The following DLGAP2 variants were observed in gnomAD, a reference collection of about 807,000 sequenced individuals.
The protein encoded by DLGAP2 is disks large-associated protein 2.
DLGAP2 carries 26 observed loss-of-function variants against 100.3 expected under a neutral mutation model. That is an observed-to-expected ratio of 0.26 (90% CI 0.19 to 0.36). The LOEUF (loss-of-function observed/expected upper bound fraction) is 0.36. Ranked by LOEUF, DLGAP2 falls within the 10% of genes least tolerant of loss-of-function variation. DLGAP2 has a pLI of 1.00. For synonymous variants in DLGAP2, 886 were observed against 630.1 expected, an observed-to-expected ratio of 1.41 and a Z score of -6.08; for missense variants, 1,858 against 1,453.2, an observed-to-expected ratio of 1.28 and a Z score of -4.53.
intron 2 of DLGAP2, among the ~76,000 whole-genome samples, chr8:1,105,781 G>T (rs1253159977): frequency 1.7e-4 from 26 of 148,712 alleles, no homozygotes; most frequent in African/African-American, 6.0e-4. Flanking sequence ...TTCTAGGAGG[G>T]TTTTCTACTG....
intron 2 of DLGAP2, among the ~76,000 whole-genome samples, chr8:1,151,602 G>C (rs1796698697): frequency 6.6e-6 from 1 of 152,202 alleles, no homozygotes; most frequent in Admixed American, 6.5e-5. Flanking sequence ...ACCTTCGCAA[G>C]GGGAAATGAG....
At chr8:943,620 G>GTAGTAAATTTT (rs1799246839) in intron 2 of DLGAP2, among the ~76,000 whole-genome samples, 1 of 151,966 alleles carries the variant, frequency 6.6e-6, no homozygotes, top group East Asian at 2.0e-4. Flanking sequence ...GGAGGAGCTG[G>GTAGTAAATTTT]CATGTGGACG....
intron 2 of DLGAP2, among the ~76,000 whole-genome samples, chr8:1,202,859 G>A (rs1199307414): frequency 1.3e-5 from 2 of 152,218 alleles, no homozygotes; most frequent in African/African-American, 2.4e-5. Flanking sequence ...TGTCTTGTCT[G>A]AGCTGTTAAT....
At chr8:1,466,731 A>T (rs1358506060) in intron 3 of DLGAP2, among the ~76,000 whole-genome samples, 2 of 152,082 alleles carry the variant, frequency 1.3e-5, no homozygotes, top group Non-Finnish European at 2.9e-5. Flanking sequence ...GCTCTCAGTG[A>T]GAGGAAGGAA....
chr8:1,080,521 C>T (rs969097633), intron 2 of DLGAP2, among the ~76,000 whole-genome samples: 3 of 152,282 alleles, frequency 2.0e-5, no homozygotes, highest in African/African-American at 4.8e-5. Context: ...ACTCATCAGG[C>T]GGAATAGGGA....
At chr8:1,363,251 C>A (rs565015486) in intron 3 of DLGAP2, among the ~76,000 whole-genome samples, 2 of 152,210 alleles carry the variant, frequency 1.3e-5, no homozygotes, top group Non-Finnish European at 2.9e-5. Context: ...GGCAGCATCC[C>A]GAAAGCGCCC....
chr8:1,003,930 T>G (rs77273715), intron 2 of DLGAP2, among the ~76,000 whole-genome samples: 6,850 of 152,288 alleles, frequency 0.045, 321 homozygotes, highest in Admixed American at 0.14. Context: ...TGTTTTAGCT[T>G]GGTGTCCCCC....
intron 3 of DLGAP2, among the ~76,000 whole-genome samples, chr8:1,366,541 G>A (rs1355107531): frequency 6.6e-6 from 1 of 152,182 alleles, no homozygotes; most frequent in Non-Finnish European, 1.5e-5. Flanking sequence ...CGGCTGACCT[G>A]GGACAAGGCA....
chr8:770,434 CT>C (rs548155447), intron 1 of DLGAP2, among the ~76,000 whole-genome samples: 3 of 152,222 alleles, frequency 2.0e-5, no homozygotes, highest in Middle Eastern at 3.4e-3. Flanking sequence ...TGACCAAAGA[CT>C]TTTTTTCTTA....
At chr8:869,766 C>G (rs1032015914) in intron 1 of DLGAP2, among the ~76,000 whole-genome samples, 3 of 152,188 alleles carry the variant, frequency 2.0e-5, no homozygotes, top group Admixed American at 6.5e-5. Flanking sequence ...TTCCCCAAAT[C>G]TGGGTCACAG....
At chr8:884,836 G>A (rs1485289943) in intron 1 of DLGAP2, among the ~76,000 whole-genome samples, 4 of 152,132 alleles carry the variant, frequency 2.6e-5, no homozygotes, top group African/African-American at 9.7e-5. Context: ...TCCATTGTCC[G>A]TTTTCTGCAT....
chr8:737,895 G>C lies in DLGAP2; in HGVS notation c.18+70G>C, dbSNP rs544887719. 1.9e-5 allele frequency: 7 copies of C among 368,288 alleles called. No homozygotes were observed. The South Asian group carries it at 5.3e-4, about 28-fold the overall frequency. 22.8% of individuals were successfully genotyped at this position (368,288 alleles called of 1,614,324 possible). A position where few individuals can be genotyped will look rare whatever the true frequency, so the allele number is the denominator to read the frequency against. On this transcript the variant is annotated intron_variant, in intron 1 of 14. Transcript: ENST00000637795. The stretch of plus-strand genomic sequence containing the variant: ...AGAGCCGTCGAGGCGGGGAGGGCGC[G>C]GTGTGTCGGACCCGCGGGGACGCCC...
chr8:773,738 A>C (rs999757752), intron 1 of DLGAP2, among the ~76,000 whole-genome samples: 6 of 152,178 alleles, frequency 3.9e-5, no homozygotes, highest in South Asian at 4.2e-4. Flanking sequence ...TTCTTAATCC[A>C]GTCTATCATT....
intron 7 of DLGAP2, among the ~76,000 whole-genome samples, chr8:1,628,987 G>GCCCTTATTATTACCATGATAA (rs1294695521): frequency 6.6e-6 from 1 of 152,248 alleles, no homozygotes; most frequent in Non-Finnish European, 1.5e-5. Context: ...AAAAATGATA[G>GCCCTTATTATTACCATGATAA]CCCTTATTAT....
chr8:1,091,550 C>A (rs1258984109), intron 2 of DLGAP2, among the ~76,000 whole-genome samples: 1 of 152,230 alleles, frequency 6.6e-6, no homozygotes, highest in African/African-American at 2.4e-5. Context: ...TGTGTGCACA[C>A]ACCTGTAGTG....
chr8:1,010,213 A>G (rs1801236149), intron 2 of DLGAP2, among the ~76,000 whole-genome samples: 1 of 152,188 alleles, frequency 6.6e-6, no homozygotes, highest in African/African-American at 2.4e-5. Flanking sequence ...GCACACTCAG[A>G]TATCAGTTTT....
chr8:1,127,334 C>T (rs754650749), intron 2 of DLGAP2, among the ~76,000 whole-genome samples: 1 of 151,968 alleles, frequency 6.6e-6, no homozygotes, highest in Non-Finnish European at 1.5e-5. Flanking sequence ...CATGAGGGGT[C>T]ATGGAACGGG....
intron 3 of DLGAP2, among the ~76,000 whole-genome samples, chr8:1,437,859 G>A (rs976132145): frequency 6.7e-6 from 1 of 149,348 alleles, no homozygotes; most frequent in African/African-American, 2.5e-5. Flanking sequence ...GATGTCATGT[G>A]CCTGTAATCC....
chr8:1,086,469 T>G (rs546073675), intron 2 of DLGAP2, among the ~76,000 whole-genome samples: 1 of 152,136 alleles, frequency 6.6e-6, no homozygotes, highest in Admixed American at 6.5e-5. Flanking sequence ...TCAAAACACA[T>G]AGAGTGAATA....
Sources: gnomAD v4.1 joint callset for allele counts (sites outside exome capture counted in the v4.1 genomes callset) on GRCh38, gnomAD v4.1.1 for gene constraint, MANE v1.5 for transcripts, NCBI Gene and HGNC (gene_info 2026-07-23, HGNC 2026-07-21) for gene names.